STK26: variants seen among roughly 807,000 people sequenced by gnomAD.
STK26 encodes the protein serine/threonine-protein kinase 26.
STK26 carries 14 observed loss-of-function variants against 34.7 expected under a neutral mutation model. The observed-to-expected ratio is 0.40, with a 90% confidence interval of 0.27 to 0.63. The LOEUF (loss-of-function observed/expected upper bound fraction) is 0.63. Ranked by LOEUF, STK26 falls within the 30% of genes least tolerant of loss-of-function variation. STK26 has a pLI of 0.38. For missense variants in STK26, 226 were observed against 309.1 expected, an observed-to-expected ratio of 0.73 and a Z score of 2.02; for synonymous variants, 100 against 109.8, an observed-to-expected ratio of 0.91 and a Z score of 0.56.
chrX:132,023,430 G>C (rs775032334), intron 1 of STK26, 23 bp downstream of exon 1: 20 of 577,846 alleles, frequency 3.5e-5, no homozygotes, highest in Non-Finnish European at 5.4e-5. Flanking sequence ...CCAGGGAGCT[G>C]CGCCGCTAAC....
chrX:132,068,775 C>T (rs1415367305), intron 6 of STK26, among the ~76,000 whole-genome samples: 2 of 111,540 alleles, frequency 1.8e-5, no homozygotes, highest in African/African-American at 3.3e-5. Flanking sequence ...TTTCATCCCA[C>T]GTGGAATAAA....
intron 2 of STK26, among the ~76,000 whole-genome samples, chrX:132,044,919 A>C (rs1926447087): frequency 9.8e-6 from 1 of 102,470 alleles, no homozygotes; most frequent in South Asian, 4.4e-4. Context: ...TATATAGAGA[A>C]ACATATATAT....
chrX:132,036,526 C>T (rs1274202864), intron 2 of STK26, among the ~76,000 whole-genome samples: 2 of 111,598 alleles, frequency 1.8e-5, no homozygotes, highest in East Asian at 2.8e-4. Flanking sequence ...ACCTGGGAGG[C>T]GGAGGTTGCA....
chrX:132,067,180 A>G (rs755211441), intron 4 of STK26, among the ~76,000 whole-genome samples: 1 of 111,811 alleles, frequency 8.9e-6, no homozygotes, highest in African/African-American at 3.3e-5. Flanking sequence ...TATGAGTTCT[A>G]TTTTAAGCTG....
chrX:132,071,295 T>C (rs1174535015), intron 8 of STK26, 78 bp downstream of exon 8: 2 of 1,043,495 alleles, frequency 1.9e-6, no homozygotes, highest in African/African-American at 1.9e-5. Context: ...TCCAGTGTGC[T>C]TGTTCTAGCA....
In STK26 at chrX:132,054,822, C is replaced by T. The variant is rs1926802068; in HGVS notation, c.234C>T (p.Asp78=). ...QQEITVLSQC[D]SSYVTKYYGS... The stretch of plus-strand genomic sequence containing the variant: ...AAATAACTGTCTTGAGTCAATGTGA[C>T]AGCTCATATGTAACAAAATACTATG... Residue 78 remains aspartate (D), a synonymous_variant, in exon 3 of 12, where the codon GAC becomes GAT. Coordinates refer to ENST00000394334, the MANE Select transcript of STK26 (RefSeq NM_016542.4). 1.7e-6 allele frequency: 2 copies of T among 1,209,266 alleles called. No homozygotes were observed. The highest frequency in any genetic ancestry group is 5.9e-5 in the East Asian group (2 of 33,851).
intron 4 of STK26, among the ~76,000 whole-genome samples, chrX:132,067,578 T>C (rs993415529): frequency 1.8e-5 from 2 of 112,153 alleles, no homozygotes; most frequent in Non-Finnish European, 3.8e-5. Flanking sequence ...TAAAGGGATA[T>C]GTGTTACATT....
intron 2 of STK26, among the ~76,000 whole-genome samples, chrX:132,028,403 A>G (rs1925692387): frequency 1.8e-5 from 2 of 111,803 alleles, no homozygotes; most frequent in African/African-American, 6.5e-5. Flanking sequence ...TCTGGTAGGA[A>G]GTTAAGGATT....
chrX:132,055,477 C>T (rs5933055), intron 3 of STK26: 239,995 of 1,151,622 alleles, frequency 0.21, 18,232 homozygotes, highest in African/African-American at 0.33. Flanking sequence ...TAGCAGACAC[C>T]TGAAGTTCCA....
intron 4 of STK26, among the ~76,000 whole-genome samples, chrX:132,067,411 C>T (rs1401813886): frequency 1.8e-5 from 2 of 111,177 alleles, no homozygotes; most frequent in Non-Finnish European, 3.8e-5. Flanking sequence ...ATTGTACAGT[C>T]CACTGTTTGT....
chrX:132,045,328 T>C (rs1926461720), intron 2 of STK26, among the ~76,000 whole-genome samples: 1 of 111,720 alleles, frequency 9.0e-6, no homozygotes, highest in Non-Finnish European at 1.9e-5. Flanking sequence ...ACATGACCAG[T>C]ACCAATGAAT....
At chrX:132,069,059 TC>T (rs1271578631) in intron 6 of STK26, among the ~76,000 whole-genome samples, 3 of 109,910 alleles carry the variant, frequency 2.7e-5, no homozygotes, top group Admixed American at 2.0e-4. Flanking sequence ...GCAACACCCT[TC>T]CCCCCATGAT....
At chrX:132,069,408 C>CATATATATATATAT (rs1569336318) in intron 6 of STK26, 70 bp from the exon 7 acceptor site, 1 of 124,303 alleles carries the variant, frequency 8.0e-6, no homozygotes, top group African/African-American at 8.9e-5. Context: ...TACATACATA[C>CATATATATATATAT]ACATATATAT....
chrX:132,035,796 A>AAAAAC (rs1926020447), intron 2 of STK26, among the ~76,000 whole-genome samples: 1 of 104,180 alleles, frequency 9.6e-6, no homozygotes, highest in Admixed American at 1.1e-4. Context: ...CTCAAAAAAA[A>AAAAAC]AAACAAACAA....
intron 2 of STK26, among the ~76,000 whole-genome samples, chrX:132,032,957 T>C (rs2124131504): frequency 9.0e-6 from 1 of 111,642 alleles, no homozygotes; most frequent in East Asian, 2.8e-4. Flanking sequence ...TGAAAATGCA[T>C]TTTTGAGTTG....
At chrX:132,055,334 A>G in intron 3 of STK26, 1 of 651,164 alleles carries the variant, frequency 1.5e-6, no homozygotes, top group Non-Finnish European at 2.3e-6. Flanking sequence ...CCTGGTACTT[A>G]CATTCCTTAG....
intron 1 of STK26, 27 bp downstream of exon 1, chrX:132,023,434 C>A: frequency 1.7e-6 from 1 of 587,702 alleles, no homozygotes; most frequent in Non-Finnish European, 2.9e-6. Context: ...GGAGCTGCGC[C>A]GCTAACAGCC....
chrX:132,038,153 G>A (rs1038866107), intron 2 of STK26, among the ~76,000 whole-genome samples: 15 of 111,004 alleles, frequency 1.4e-4, no homozygotes, highest in African/African-American at 4.6e-4. Flanking sequence ...TGAGGGAAAA[G>A]GTGTTGGACT....
chrX:132,067,854 C>G (rs890270113), intron 4 of STK26, among the ~76,000 whole-genome samples: 1 of 111,419 alleles, frequency 9.0e-6, no homozygotes, highest in Non-Finnish European at 1.9e-5. Context: ...TAGCTGATTT[C>G]TCTTTTTTTC....
Sources: allele counts gnomAD v4.1 joint callset (sites outside exome capture counted in the v4.1 genomes callset), GRCh38; gene constraint gnomAD v4.1.1; transcripts MANE v1.5; gene names NCBI Gene and HGNC (gene_info 2026-07-23, HGNC 2026-07-21).